The following UNC45B variants were observed in gnomAD, a reference collection of about 807,000 sequenced individuals.
UNC45B encodes the protein unc-45 myosin chaperone B.
In UNC45B, 78 loss-of-function variants were observed where a neutral mutation model predicts 98.7. That is an observed-to-expected ratio of 0.79 (90% CI 0.66 to 0.95). The LOEUF is 0.95. Among genes scored for constraint, UNC45B ranks in the 40% least tolerant of loss-of-function variants. The pLI is 0.00. For synonymous variants in UNC45B, 462 were observed against 480.4 expected, an observed-to-expected ratio of 0.96 and a Z score of 0.50; for missense variants, 1,225 against 1,184.9, an observed-to-expected ratio of 1.03 and a Z score of -0.50.
Position 35,159,410 on chromosome 17 carries a change from C to G in UNC45B, c.844C>G (p.Leu282Val). The G allele has an allele frequency of 1.2e-6, 2 of 1,614,030 alleles. No individual in the cohort carries two copies. Among genetic ancestry groups the G allele is most frequent in the Non-Finnish European group, 1.7e-6 (2 of 1,179,926 alleles). ...GGACCTGAAGCAGATCACCAGCCAC[C>G]TGCTGGACATGCTAGTCAGCAAGAA... ...KKDLKQITSHLLDMLVSKKVS... is the reference protein window; with the variant it reads ...KKDLKQITSHVLDMLVSKKVS... Residue 282 changes from leucine (L) to valine (V), a missense_variant, in exon 8 of 20, where the codon CTG (leucine) becomes GTG (valine). Coordinates refer to ENST00000394570, the MANE Select transcript of UNC45B (RefSeq NM_001267052.2).
chr17:35,166,363 A>G lies in UNC45B; in HGVS notation c.1152-1698A>G, dbSNP rs74340088. Among the ~76,000 whole-genome samples, 341 of 152,224 alleles carry G rather than the reference A, an allele frequency of 2.2e-3. 8 individuals are homozygous for G. The East Asian group carries it at 0.038, about 17-fold the overall frequency. On this transcript the variant is annotated intron_variant, in intron 9 of 19. Coordinates refer to ENST00000394570, the MANE Select transcript of UNC45B (RefSeq NM_001267052.2). ...CTTCTGCTCACCCTGACTTTGGTTCACTTAGGTCTTTTCAAGGCTTCTGTC... is the reference window on the plus strand; with the variant it reads ...CTTCTGCTCACCCTGACTTTGGTTCGCTTAGGTCTTTTCAAGGCTTCTGTC...
At position 35,164,056 on chromosome 17, in the gene UNC45B, G is replaced by C. The variant is rs760206661; in HGVS notation, c.1041G>C (p.Leu347=). The change falls in exon 9 of 20, where the codon CTG becomes CTC. Residue 347 remains leucine, a synonymous_variant. Coordinates refer to ENST00000394570, the MANE Select transcript of UNC45B (RefSeq NM_001267052.2). ...CAGATCTGCCATCCTGCCTGCCCCTGACTGACAACACCCGCATGCTGGCCT... is the reference window on the plus strand; with the variant it reads ...CAGATCTGCCATCCTGCCTGCCCCTCACTGACAACACCCGCATGCTGGCCT... ...QVPDLPSCLP[L]TDNTRMLASI... 6.2e-7 allele frequency: 1 copy of C among 1,614,046 alleles called. No individual in the cohort carries two copies. Among genetic ancestry groups the C allele is most frequent in the Non-Finnish European group, 8.5e-7 (1 of 1,180,004 alleles).
intron 14 of UNC45B, among the ~76,000 whole-genome samples, chr17:35,175,434 G>A (rs548854795): frequency 1.3e-5 from 2 of 152,314 alleles, no homozygotes; most frequent in Non-Finnish European, 2.9e-5. Context: ...TGGGCAGCTG[G>A]TAAGGCCTCC....
Position 35,183,488 on chromosome 17 carries a change from G to T in UNC45B, c.2435G>T (p.Gly812Val). 6.2e-7 allele frequency: 1 copy of T among 1,606,366 alleles called. No individual in the cohort carries two copies. The highest frequency in any genetic ancestry group is 8.5e-7 in the Non-Finnish European group (1 of 1,175,910). Residue 812 changes from glycine (G) to valine (V), a missense_variant, in exon 19 of 20, where the codon GGG becomes GTG. Gly to Val is a moderately radical substitution (Grantham distance 109). Transcript: ENST00000394570. ...CTGAAGCTGGTGGTGCTGCTCTGCG[G>T]GGAGGATGATGATAAGGTGCAGAAT... is the stretch of plus-strand genomic sequence containing the variant. ...DRLKLVVLLC[G>V]EDDDKVQNAA...
intron 10 of UNC45B, 81 bp from the exon 11 acceptor site, chr17:35,169,756 A>G: frequency 1.6e-6 from 2 of 1,277,322 alleles, no homozygotes; most frequent in Non-Finnish European, 2.3e-6. Context: ...CTGGCCATAG[A>G]AACCTGTTTG....
intron 12 of UNC45B, 105 bp downstream of exon 12, chr17:35,170,360 C>A: frequency 7.5e-7 from 1 of 1,327,684 alleles, no homozygotes. Context: ...CTACTCCTTA[C>A]CCCTGTATAA....
rs185297207 is a variant in UNC45B at position 35,151,870 on chromosome 17, G to A, written c.382-1023G>A. Among the ~76,000 whole-genome samples, 536 of 151,056 alleles carry A rather than the reference G, an allele frequency of 3.5e-3. 3 individuals carry two copies. Among genetic ancestry groups the A allele is most frequent in the Non-Finnish European group, 3.8e-3 (256 of 67,720 alleles). ...TCCCAGCACTTTGGGAGGCCAAGGC[G>A]GGAGGATCACTTGAGCCCAGGAGTT... On this transcript the variant is annotated intron_variant, in intron 4 of 19. Transcript: ENST00000394570.
chr17:35,153,404 C>T (rs2092034896), intron 5 of UNC45B, among the ~76,000 whole-genome samples: 2 of 152,134 alleles, frequency 1.3e-5, no homozygotes, highest in South Asian at 4.2e-4. Context: ...CATTTTATTT[C>T]ATTAAAAAAT....
At chr17:35,156,471 C>A (rs77220304) in intron 7 of UNC45B, among the ~76,000 whole-genome samples, 7,323 of 152,070 alleles carry the variant, frequency 0.048, 319 homozygotes, top group Admixed American at 0.14. Context: ...ATTAAAAATA[C>A]AAAAAGTAGC....
intron 8 of UNC45B, among the ~76,000 whole-genome samples, chr17:35,160,455 T>C (rs927943514): frequency 6.6e-6 from 1 of 152,192 alleles, no homozygotes; most frequent in African/African-American, 2.4e-5. Context: ...TATTTCTTTT[T>C]AGAGACAGAG....
At chr17:35,166,715 G>A (rs1169283049) in intron 9 of UNC45B, among the ~76,000 whole-genome samples, 2 of 152,192 alleles carry the variant, frequency 1.3e-5, no homozygotes, top group Non-Finnish European at 2.9e-5. Context: ...TGAGGCACAG[G>A]ACATGGGATG....
At chr17:35,150,360 A>T (rs1166561835) in intron 4 of UNC45B, 137 bp downstream of exon 4, 22 of 960,684 alleles carry the variant, frequency 2.3e-5, no homozygotes, top group Non-Finnish European at 1.5e-6. Flanking sequence ...AGCAAGTGGC[A>T]TGGGCAGGCT....
intron 8 of UNC45B, among the ~76,000 whole-genome samples, chr17:35,162,571 G>A (rs891487544): frequency 6.6e-6 from 1 of 151,784 alleles, no homozygotes; most frequent in Non-Finnish European, 1.5e-5. Flanking sequence ...TTACAGGCAT[G>A]AGCCACCAAG....
At chr17:35,180,280 G>GAGAGAC (rs2092264577) in intron 17 of UNC45B, among the ~76,000 whole-genome samples, 1 of 151,950 alleles carries the variant, frequency 6.6e-6, no homozygotes, top group Non-Finnish European at 1.5e-5. Context: ...GAGAGAGAGA[G>GAGAGAC]AGAGAGAGAA....
At chr17:35,175,683 T>C (rs1406495490) in intron 14 of UNC45B, among the ~76,000 whole-genome samples, 2 of 152,172 alleles carry the variant, frequency 1.3e-5, no homozygotes, top group Non-Finnish European at 2.9e-5. Flanking sequence ...GGCACATCCA[T>C]TGAAGTTGAA....
Position 35,167,998 on chromosome 17 carries a change from A to G in UNC45B, c.1152-63A>G. 5 of 1,374,562 alleles carry G rather than the reference A, an allele frequency of 3.6e-6. No individual in the cohort carries two copies. In the South Asian group the frequency reaches 1.0e-4, roughly 28 times the overall value. The allele number at this position is 1,374,562 out of a possible 1,614,324, so 85.1% of individuals were successfully genotyped here. On this transcript the variant is annotated intron_variant, in intron 9 of 19. Transcript: ENST00000394570. ...GCAAATCCAAATCCTACTGCCTCCA[A>G]ATCTCACACTCTTTCCACTCTCTTG...
chr17:35,171,277 A>C, intron 12 of UNC45B, 45 bp from the exon 13 acceptor site: 1 of 1,601,720 alleles, frequency 6.2e-7, no homozygotes, highest in Non-Finnish European at 8.5e-7. Flanking sequence ...GTTTGTCCTA[A>C]AGTTTCCTTT....
chr17:35,165,992 T>C (rs1256491430), intron 9 of UNC45B, among the ~76,000 whole-genome samples: 1 of 146,450 alleles, frequency 6.8e-6, no homozygotes, highest in South Asian at 2.2e-4. Flanking sequence ...GGCTCATGCC[T>C]GTAATCCTAG....
At position 35,188,627 on chromosome 17, in the gene UNC45B, C is replaced by T. The variant is rs539646215; in HGVS notation, c.*2068C>T. ...TAGCTGGGACTACAGGCACACACCA[C>T]CACCCCCAGGTAATTAAAAAATTTT... On this transcript the variant is annotated 3_prime_UTR_variant, in exon 20 of 20. Coordinates refer to ENST00000394570, the MANE Select transcript of UNC45B (RefSeq NM_001267052.2). 6.6e-6 allele frequency: 1 copy of T among 152,238 alleles called. No homozygotes were observed. Among genetic ancestry groups the T allele is most frequent in the Admixed American group, 6.5e-5 (1 of 15,290 alleles). The allele number at this position is 152,238 out of a possible 1,614,324, so 9.4% of individuals were successfully genotyped here.
Sources: allele counts gnomAD v4.1 joint callset (sites outside exome capture counted in the v4.1 genomes callset), GRCh38; gene constraint gnomAD v4.1.1; transcripts MANE v1.5; gene names NCBI Gene and HGNC (gene_info 2026-07-23, HGNC 2026-07-21).